Variants in MCTP1 observed in about 807,000 individuals in gnomAD.
MCTP1 encodes multiple C2 and transmembrane domain-containing protein 1.
A neutral mutation model predicts 120.6 loss-of-function variants in MCTP1; 69 were observed. The observed-to-expected ratio is 0.57, with a 90% CI of 0.47 to 0.70. The LOEUF is 0.70. Ranked by LOEUF, MCTP1 falls within the 30% of genes least tolerant of loss-of-function variation. The pLI, the probability that MCTP1 is intolerant of heterozygous loss-of-function variation, is 0.00. For missense variants in MCTP1, 1,203 were observed against 1,248.8 expected (o/e 0.96, Z 0.55); for synonymous variants, 529 against 493.1 (o/e 1.07, Z -0.96).
intron 2 of MCTP1, chr5:94,979,191 A>C (rs1328504470): frequency 7.4e-6 from 1 of 135,652 alleles, no homozygotes; most frequent in African/African-American, 2.8e-5. Flanking sequence ...CCAGGTTAAG[A>C]GGCCTTCATC....
intron 10 of MCTP1, among the ~76,000 whole-genome samples, chr5:94,899,306 G>C (rs576288737): frequency 6.6e-6 from 1 of 152,312 alleles, no homozygotes; most frequent in East Asian, 1.9e-4. Flanking sequence ...GTCCTCAGCT[G>C]TTCGCTTTGC....
intron 1 of MCTP1, among the ~76,000 whole-genome samples, chr5:95,268,717 G>A (rs565511354): frequency 4.6e-5 from 7 of 152,324 alleles, no homozygotes; most frequent in Admixed American, 2.6e-4. Context: ...GGTCGGCAAC[G>A]TTAATCACCC....
At chr5:95,259,115 T>TG (rs1264335444) in intron 1 of MCTP1, among the ~76,000 whole-genome samples, 1 of 152,180 alleles carries the variant, frequency 6.6e-6, no homozygotes, top group African/African-American at 2.4e-5. Context: ...GGGTAGCCAC[T>TG]ACAGCAGAAG....
At chr5:94,947,164 C>T (rs994043755) in intron 3 of MCTP1, among the ~76,000 whole-genome samples, 6 of 152,094 alleles carry the variant, frequency 3.9e-5, no homozygotes, top group Admixed American at 6.6e-5. Context: ...CCTGTGATAC[C>T]GTACTCTGAT....
At chr5:94,856,048 A>G (rs1445198738) in intron 17 of MCTP1, among the ~76,000 whole-genome samples, 1 of 151,790 alleles carries the variant, frequency 6.6e-6, no homozygotes, top group Non-Finnish European at 1.5e-5. Context: ...GGAACTGTAC[A>G]CTAAGAATAT....
At chr5:95,213,889 T>C (rs1752709298) in intron 1 of MCTP1, among the ~76,000 whole-genome samples, 1 of 152,354 alleles carries the variant, frequency 6.6e-6, no homozygotes, top group Non-Finnish European at 1.5e-5. Context: ...ACTTAAACGT[T>C]AGACCTAAAA....
chr5:95,277,708 GC>G (rs530215480), intron 1 of MCTP1, among the ~76,000 whole-genome samples: 43 of 152,178 alleles, frequency 2.8e-4, no homozygotes, highest in Non-Finnish European at 6.2e-4. Flanking sequence ...TGCTGAAGGG[GC>G]CTCTCTAAAT....
intron 1 of MCTP1, among the ~76,000 whole-genome samples, chr5:95,248,932 A>C (rs371922275): frequency 6.6e-6 from 1 of 152,196 alleles, no homozygotes; most frequent in African/African-American, 2.4e-5. Context: ...TGTTTAATAA[A>C]TGGTGCTGGG....
intron 2 of MCTP1, among the ~76,000 whole-genome samples, chr5:94,995,638 T>C (rs888199040): frequency 6.6e-6 from 1 of 152,248 alleles, no homozygotes; most frequent in African/African-American, 2.4e-5. Flanking sequence ...AATGTTAAGA[T>C]AGAACTTTTC....
chr5:94,775,591 A>G (rs1314230703), intron 19 of MCTP1, among the ~76,000 whole-genome samples: 1 of 152,198 alleles, frequency 6.6e-6, no homozygotes, highest in Non-Finnish European at 1.5e-5. Context: ...AATGCTCTAT[A>G]ACAAAGGGAA....
chr5:95,227,755 G>A (rs946739101), intron 1 of MCTP1, among the ~76,000 whole-genome samples: 9 of 151,976 alleles, frequency 5.9e-5, no homozygotes, highest in African/African-American at 2.2e-4. Flanking sequence ...TTATCACTAG[G>A]TCATTACCTT....
intron 1 of MCTP1, among the ~76,000 whole-genome samples, chr5:95,053,390 T>G (rs185124574): frequency 1.4e-4 from 21 of 152,304 alleles, no homozygotes; most frequent in Admixed American, 1.2e-3. Flanking sequence ...ACACAGGCCA[T>G]GAGCTTCGGG....
intron 18 of MCTP1, among the ~76,000 whole-genome samples, chr5:94,796,498 G>C (rs188591696): frequency 9.4e-4 from 141 of 150,148 alleles, no homozygotes; most frequent in African/African-American, 3.4e-3. Flanking sequence ...CTATGCAGGA[G>C]AGTCAATGCA....
intron 1 of MCTP1, among the ~76,000 whole-genome samples, chr5:95,237,869 T>G (rs888833058): frequency 1.3e-5 from 2 of 152,066 alleles, no homozygotes; most frequent in African/African-American, 4.8e-5. Flanking sequence ...CCTTGGGTAA[T>G]TCACCATGAT....
At chr5:95,239,902 G>A (rs1406132833) in intron 1 of MCTP1, among the ~76,000 whole-genome samples, 1 of 151,856 alleles carries the variant, frequency 6.6e-6, no homozygotes, top group Admixed American at 6.6e-5. Flanking sequence ...TCAAATTGAA[G>A]ATTTCTTACA....
intron 1 of MCTP1, among the ~76,000 whole-genome samples, chr5:95,261,783 C>T (rs936212610): frequency 4.6e-5 from 7 of 152,234 alleles, no homozygotes; most frequent in Non-Finnish European, 7.3e-5. Flanking sequence ...TGGAGATGTA[C>T]ATCTAGCCAA....
chr5:94,995,803 AC>A (rs1832513353), intron 2 of MCTP1, among the ~76,000 whole-genome samples: 1 of 152,128 alleles, frequency 6.6e-6, no homozygotes, highest in African/African-American at 2.4e-5. Context: ...CCACCCCCAC[AC>A]AAATGGAAGT....
At chr5:94,717,601 A>G (rs796267441) in intron 19 of MCTP1, among the ~76,000 whole-genome samples, 4 of 152,312 alleles carry the variant, frequency 2.6e-5, no homozygotes, top group African/African-American at 9.6e-5. Flanking sequence ...TGCAGATGAC[A>G]TGATCCTATA....
intron 1 of MCTP1, among the ~76,000 whole-genome samples, chr5:95,140,851 G>A (rs1339213855): frequency 7.8e-6 from 1 of 127,782 alleles, no homozygotes; most frequent in African/African-American, 3.0e-5. Context: ...CTGCACTCCA[G>A]CCTGGGCGAC....
Sources: gnomAD v4.1 joint callset for allele counts (sites outside exome capture counted in the v4.1 genomes callset) on GRCh38, gnomAD v4.1.1 for gene constraint, MANE v1.5 for transcripts, NCBI Gene and HGNC (gene_info 2026-07-23, HGNC 2026-07-21) for gene names.